The following MRPL32 variants were observed in gnomAD, a reference collection of about 807,000 sequenced individuals.
MRPL32 encodes the protein mitochondrial ribosomal protein L32.
MRPL32 carries 14 observed loss-of-function variants against 21.7 expected under a neutral mutation model. The observed-to-expected ratio is 0.64, with a 90% CI of 0.43 to 1.01. The LOEUF is 1.01. Ranked by LOEUF, MRPL32 falls within the 50% of genes least tolerant of loss-of-function variation. The pLI is 0.00. For synonymous variants in MRPL32, 83 were observed against 87.7 expected (o/e 0.95, Z 0.30); for missense variants, 211 against 235.9 (o/e 0.89, Z 0.69).
chr7:42,933,350 G>C (rs1786364102), intron 1 of MRPL32, among the ~76,000 whole-genome samples: 7 of 152,122 alleles, frequency 4.6e-5, no homozygotes, highest in Admixed American at 3.9e-4. Context: ...TCAGGGATTT[G>C]TACAGAGTTG....
intron 1 of MRPL32, among the ~76,000 whole-genome samples, chr7:42,932,906 G>C (rs1293393347): frequency 6.6e-6 from 1 of 152,110 alleles, no homozygotes; most frequent in Non-Finnish European, 1.5e-5. Flanking sequence ...GAATGAGCGA[G>C]GCGGGAGTGT....
At chr7:42,933,036 G>A (rs1303874571) in intron 1 of MRPL32, among the ~76,000 whole-genome samples, 1 of 152,088 alleles carries the variant, frequency 6.6e-6, no homozygotes, top group South Asian at 2.1e-4. Flanking sequence ...GCAGAGACTG[G>A]GAGACAAAGG....
chr7:42,934,517 C>T (rs568470080), intron 1 of MRPL32, among the ~76,000 whole-genome samples: 2 of 152,198 alleles, frequency 1.3e-5, no homozygotes, highest in South Asian at 4.1e-4. Context: ...TAAGAAAAGG[C>T]AATTGGCAGT....
In MRPL32 at chr7:42,937,556, T is replaced by A. The variant is rs139300126; in HGVS notation, c.547T>A (p.Ser183Thr). The A allele has an allele frequency of 1.2e-5, 20 of 1,609,704 alleles. No individual in the cohort carries two copies. The African/African-American group carries it at 2.4e-4, about 19-fold the overall frequency. Residue 183 changes from serine (S) to threonine (T), a missense_variant, in exon 3 of 3, where the codon TCC becomes ACC. By Grantham distance (58) the Ser-to-Thr change is moderately conservative. Transcript: ENST00000223324. ...RIIERDRKRP[S>T]WFTQN Reference sequence around the variant, plus strand: ...CATTGAACGAGACAGAAAGCGACCATCCTGGTTCACCCAGAATTGACACCA... The same window carrying A: ...CATTGAACGAGACAGAAAGCGACCAACCTGGTTCACCCAGAATTGACACCA...
chr7:42,936,690 A>ATG (rs1162707985), intron 2 of MRPL32: 1 of 148,644 alleles, frequency 6.7e-6, no homozygotes, highest in African/African-American at 2.4e-5. Context: ...ATCTATCTCT[A>ATG]TATATATATA....
chr7:42,937,567 C>A lies in MRPL32; in HGVS notation c.558C>A (p.Thr186=), dbSNP rs1008448299. The A allele has an allele frequency of 6.2e-7, 1 of 1,602,236 alleles. No homozygotes were observed. Among genetic ancestry groups the A allele is most frequent in the Non-Finnish European group, 8.5e-7 (1 of 1,173,334 alleles). ...ACAGAAAGCGACCATCCTGGTTCAC[C>A]CAGAATTGACACCAAAGATGTTAAA... The part of the protein sequence containing the change: ...ERDRKRPSWF[T]QN The change falls in exon 3 of 3, where the codon ACC becomes ACA. Residue 186 remains threonine (T), a synonymous_variant. Transcript: ENST00000223324.
rs1040087927 is a variant in MRPL32 at position 42,936,711 on chromosome 7, CAT to C, written c.313-602_313-601del. 13 of 155,418 alleles carry C rather than the reference CAT, an allele frequency of 8.4e-5. 1 individual carries two copies. The South Asian group carries it at 1.7e-3, about 20-fold the overall frequency. The allele number at this position is 155,418 out of a possible 1,614,324, so 9.6% of individuals were successfully genotyped here. ...CTCTATATATATATATATACACACA[CAT>C]ATATATATCATTAAAATACCCTAAG... On this transcript the variant is annotated intron_variant, in intron 2 of 2. Coordinates refer to ENST00000223324, the MANE Select transcript of MRPL32 (RefSeq NM_031903.3).
At position 42,933,080 on chromosome 7, in the gene MRPL32, A is replaced by T. The variant is rs1254446012; in HGVS notation, c.130+564A>T. Among the ~76,000 whole-genome samples, 5 of 152,274 alleles carry T rather than the reference A, an allele frequency of 3.3e-5. No individual in the cohort carries two copies. The East Asian group carries it at 9.7e-4, about 29-fold the overall frequency. ...TTCCTAATGATTAGATTTCGAAGGAATGGCTCTCAGGGCCTTGAAAGAAAA... is the reference window on the plus strand; with the variant it reads ...TTCCTAATGATTAGATTTCGAAGGATTGGCTCTCAGGGCCTTGAAAGAAAA... On this transcript the variant is annotated intron_variant, in intron 1 of 2. Coordinates refer to ENST00000223324, the MANE Select transcript of MRPL32 (RefSeq NM_031903.3).
At position 42,935,141 on chromosome 7, in the gene MRPL32, T is replaced by C; in HGVS notation, c.312+5T>C. 3 of 1,606,020 alleles carry C rather than the reference T, an allele frequency of 1.9e-6. No homozygotes were observed. Among genetic ancestry groups the C allele is most frequent in the Non-Finnish European group, 2.5e-6 (3 of 1,176,542 alleles). On this transcript the variant is annotated splice_donor_5th_base_variant and intron_variant, in intron 2 of 2. Coordinates refer to ENST00000223324, the MANE Select transcript of MRPL32 (RefSeq NM_031903.3). Reference sequence around the variant, plus strand: ...CAGAAGCTTATTAAAGTTAAGGTAATGCATTGATTTTTGTGGGTGTGCTTT... The same window carrying C: ...CAGAAGCTTATTAAAGTTAAGGTAACGCATTGATTTTTGTGGGTGTGCTTT...
chr7:42,935,047 A>G lies in MRPL32; in HGVS notation c.223A>G (p.Ile75Val). 1.2e-6 allele frequency: 2 copies of G among 1,614,134 alleles called. No individual in the cohort carries two copies. Among genetic ancestry groups the G allele is most frequent in the Non-Finnish European group, 1.7e-6 (2 of 1,180,014 alleles). Residue 75 changes from isoleucine (I) to valine (V), a missense_variant, in exon 2 of 3, where the codon ATC becomes GTC. Ile to Val is a conservative substitution (Grantham distance 29). Around this residue, in one of 2 missense-constraint regions of MRPL32, gnomAD observed 130 missense variants for 180.1 expected, o/e 0.72. Coordinates refer to ENST00000223324, the MANE Select transcript of MRPL32 (RefSeq NM_031903.3). ...AGAGAATTCCAGCCTTTTGGACAGT[A>G]TCTTTTGGATGGCAGCTCCCAAAAA... Reference protein sequence around the residue: ...SKENSSLLDSIFWMAAPKNRR... With the variant: ...SKENSSLLDSVFWMAAPKNRR...
chr7:42,934,001 G>A (rs542345007), intron 1 of MRPL32, among the ~76,000 whole-genome samples: 2 of 152,242 alleles, frequency 1.3e-5, no homozygotes, highest in East Asian at 3.9e-4. Flanking sequence ...GGGCGCGGTG[G>A]CTCACACCTG....
At chr7:42,934,131 G>A (rs1786382561) in intron 1 of MRPL32, among the ~76,000 whole-genome samples, 1 of 151,842 alleles carries the variant, frequency 6.6e-6, no homozygotes, top group African/African-American at 2.4e-5. Flanking sequence ...AACCAGGCGT[G>A]GTGGTGCACA....
intron 1 of MRPL32, among the ~76,000 whole-genome samples, 173 bp from the exon 2 acceptor site, chr7:42,934,782 T>G (rs576612680): frequency 6.6e-6 from 1 of 152,334 alleles, no homozygotes; most frequent in South Asian, 2.1e-4. Context: ...GTATAAGCTT[T>G]AGTGTATTTT....
At chr7:42,935,379 C>T (rs929150392) in intron 2 of MRPL32, 2 of 342,994 alleles carry the variant, frequency 5.8e-6, no homozygotes, top group Non-Finnish European at 1.1e-5. Flanking sequence ...GGGCAAGGAA[C>T]GAGGCTGTGA....
At position 42,932,427 on chromosome 7, in the gene MRPL32, C is replaced by G. The variant is rs773548457; in HGVS notation, c.41C>G (p.Ser14Cys). The change falls in exon 1 of 3, where the codon TCT (serine) becomes TGT (cysteine). Residue 14 changes from serine (S) to cysteine (C), a missense_variant. By Grantham distance (112) the Ser-to-Cys change is moderately radical. Coordinates refer to ENST00000223324, the MANE Select transcript of MRPL32 (RefSeq NM_031903.3). ...AMLVLVVSPW[S>C]AARGVLRNYW... is the part of the protein sequence containing the mutation. ...CTGGTCTTGGTGGTTTCGCCGTGGT[C>G]TGCGGCCCGGGGAGTGCTTCGAAAC... is the stretch of plus-strand genomic sequence containing the variant. The G allele has an allele frequency of 6.2e-7, 1 of 1,611,536 alleles. No individual in the cohort carries two copies. Among genetic ancestry groups the G allele is most frequent in the Non-Finnish European group, 8.5e-7 (1 of 1,178,456 alleles).
intron 1 of MRPL32, among the ~76,000 whole-genome samples, chr7:42,934,451 G>A (rs1048130052): frequency 6.6e-6 from 1 of 152,136 alleles, no homozygotes; most frequent in Non-Finnish European, 1.5e-5. Flanking sequence ...TAAATGTTAT[G>A]AGGAACTAAG....
intron 1 of MRPL32, among the ~76,000 whole-genome samples, chr7:42,933,319 GTT>G (rs1786363601): frequency 6.6e-6 from 1 of 152,152 alleles, no homozygotes; most frequent in Non-Finnish European, 1.5e-5. Context: ...CTATGCTAGA[GTT>G]TGGTCAAGTC....
chr7:42,933,477 T>C (rs1035142325), intron 1 of MRPL32, among the ~76,000 whole-genome samples: 2 of 144,292 alleles, frequency 1.4e-5, no homozygotes, highest in African/African-American at 2.6e-5. Flanking sequence ...CTCCCCCCTC[T>C]CCTCTTCCCT....
At position 42,932,376 on chromosome 7, in the gene MRPL32, C is replaced by A. The variant is rs1786333779; in HGVS notation, c.-11C>A. 1.2e-6 allele frequency: 2 copies of A among 1,605,290 alleles called. No individual in the cohort carries two copies. The highest frequency in any genetic ancestry group is 3.4e-5 in the Admixed American group (2 of 59,534). Reference sequence around the variant, plus strand: ...CAGGGGCGGGACCGGGGCGGTCTTCCAGCAGGGAAAATGGCGCTGGCCATG... The same window carrying A: ...CAGGGGCGGGACCGGGGCGGTCTTCAAGCAGGGAAAATGGCGCTGGCCATG... On this transcript the variant is annotated 5_prime_UTR_variant, in exon 1 of 3. Transcript: ENST00000223324.
Sources: allele counts gnomAD v4.1 joint callset (sites outside exome capture counted in the v4.1 genomes callset), GRCh38; gene constraint gnomAD v4.1.1; regional missense constraint gnomAD v4.1.1; transcripts MANE v1.5; gene names NCBI Gene and HGNC (gene_info 2026-07-23, HGNC 2026-07-21).